Variants in CSMD1 observed in about 807,000 individuals in gnomAD.
The protein encoded by CSMD1 is CUB and Sushi multiple domains 1, also known as CUB and sushi domain-containing protein 1.
In CSMD1, 213 loss-of-function variants were observed where a neutral mutation model predicts 417.5. That is an observed-to-expected ratio of 0.51 (90% CI 0.46 to 0.57). CSMD1 has a LOEUF of 0.57. CSMD1 is among the 20% of genes least tolerant of loss of function. CSMD1 has a pLI of 0.00. For missense variants in CSMD1, 6,923 were observed against 4,529.7 expected, an observed-to-expected ratio of 1.53 and a Z score of -15.17; for synonymous variants, 2,862 against 1,736.8, an observed-to-expected ratio of 1.65 and a Z score of -16.11.
chr8:4,325,828 G>C (rs1273458434), intron 3 of CSMD1, among the ~76,000 whole-genome samples: 3 of 152,128 alleles, frequency 2.0e-5, no homozygotes, highest in Non-Finnish European at 4.4e-5. Flanking sequence ...AACGACTGTA[G>C]ATTAACAAAA....
chr8:4,803,408 T>A (rs1798416646), intron 1 of CSMD1, among the ~76,000 whole-genome samples: 1 of 152,180 alleles, frequency 6.6e-6, no homozygotes. Flanking sequence ...AGATACCCAG[T>A]CTAGATTTGT....
intron 2 of CSMD1, among the ~76,000 whole-genome samples, chr8:4,573,757 G>C (rs1257211271): frequency 6.6e-6 from 1 of 152,212 alleles, no homozygotes; most frequent in Non-Finnish European, 1.5e-5. Context: ...GTCCCAGGGA[G>C]ACAGGAATTT....
chr8:3,547,003 C>G (rs1207267855), intron 10 of CSMD1, among the ~76,000 whole-genome samples: 2 of 152,288 alleles, frequency 1.3e-5, no homozygotes, highest in South Asian at 2.1e-4. Flanking sequence ...AGCGTCTCCC[C>G]TCCTGTCCAC....
chr8:3,228,489 T>A (rs1468602156), intron 27 of CSMD1, among the ~76,000 whole-genome samples: 2 of 152,234 alleles, frequency 1.3e-5, no homozygotes, highest in African/African-American at 4.8e-5. Flanking sequence ...ATTATTCATC[T>A]GCCTGCAAGT....
At chr8:4,908,255 A>G (rs936175512) in intron 1 of CSMD1, among the ~76,000 whole-genome samples, 3 of 152,166 alleles carry the variant, frequency 2.0e-5, no homozygotes, top group Non-Finnish European at 4.4e-5. Context: ...CTGTAGGGTA[A>G]AGTATTCCTT....
intron 26 of CSMD1, among the ~76,000 whole-genome samples, chr8:3,262,184 A>AATAT (rs201972449): frequency 3.6e-4 from 23 of 63,144 alleles, no homozygotes; most frequent in South Asian, 1.3e-3. Context: ...TGCTCATATG[A>AATAT]ATATATATAT....
At position 4,116,037 on chromosome 8, in the gene CSMD1, G is replaced by C. The variant is rs150964547; in HGVS notation, c.416-83938C>G. ...ATTTATGGAGAGGGAGTCTCACTCT[G>C]TCTCCCAGGCTAGATTGTAGTGGCA... On this transcript the variant is annotated intron_variant, in intron 3 of 69. Transcript: ENST00000635120. Among the ~76,000 whole-genome samples, 921 of 151,428 alleles carry C rather than the reference G, an allele frequency of 6.1e-3. 11 individuals carry two copies. Among genetic ancestry groups the C allele is most frequent in the African/African-American group, 0.021 (874 of 41,192 alleles).
intron 7 of CSMD1, among the ~76,000 whole-genome samples, chr8:3,627,749 T>C (rs1037749318): frequency 7.9e-5 from 12 of 152,204 alleles, no homozygotes; most frequent in Non-Finnish European, 1.5e-4. Context: ...AATTATTACT[T>C]TGCTGAAGAA....
rs565858084 is a variant in CSMD1, at chr8:3,793,219, G to C, written c.819-39177C>G. Reference sequence around the variant, plus strand: ...AGCAATTTTTCTCTCAACCGCTATGGTCTAAGTCCTGTTCCAGACCTTAAT... The same window carrying C: ...AGCAATTTTTCTCTCAACCGCTATGCTCTAAGTCCTGTTCCAGACCTTAAT... On this transcript the variant is annotated intron_variant, in intron 5 of 69. Coordinates refer to ENST00000635120, the MANE Select transcript of CSMD1 (RefSeq NM_033225.6). Among the ~76,000 whole-genome samples, 19 of 152,246 alleles carry C rather than the reference G, an allele frequency of 1.2e-4. No individual in the cohort carries two copies. In the South Asian group the frequency reaches 2.7e-3, roughly 22 times the overall value.
At chr8:3,319,685 T>C (rs1806021856) in intron 23 of CSMD1, among the ~76,000 whole-genome samples, 1 of 152,164 alleles carries the variant, frequency 6.6e-6, no homozygotes, top group South Asian at 2.1e-4. Flanking sequence ...TTTGTTTTTT[T>C]TTGCCTGATT....
chr8:3,284,367 G>A (rs1228693977), intron 25 of CSMD1, 21 bp from the exon 26 acceptor site: 2 of 1,586,158 alleles, frequency 1.3e-6, no homozygotes, highest in East Asian at 2.2e-5. Context: ...GAACACAGTA[G>A]CGCTACTTGC....
intron 1 of CSMD1, among the ~76,000 whole-genome samples, chr8:4,707,748 G>T (rs1012425608): frequency 6.6e-6 from 1 of 151,844 alleles, no homozygotes; most frequent in Admixed American, 6.6e-5. Flanking sequence ...TTAGCCGGGC[G>T]TCGTGGCAGG....
At chr8:3,682,237 C>T (rs933202266) in intron 7 of CSMD1, among the ~76,000 whole-genome samples, 18 of 152,086 alleles carry the variant, frequency 1.2e-4, no homozygotes, top group African/African-American at 4.3e-4. Context: ...AAGAAACTAC[C>T]ATCAGAGTGA....
At chr8:4,572,474 G>A (rs1035260688) in intron 2 of CSMD1, among the ~76,000 whole-genome samples, 2 of 152,196 alleles carry the variant, frequency 1.3e-5, no homozygotes, top group African/African-American at 4.8e-5. Context: ...TAGGGTTTCT[G>A]CAGAGAGATC....
At chr8:3,081,482 T>A (rs11136572) in intron 49 of CSMD1, among the ~76,000 whole-genome samples, 1 of 152,084 alleles carries the variant, frequency 6.6e-6, no homozygotes, top group Admixed American at 6.5e-5. Context: ...TTTACAGTTT[T>A]CAAATAAAAA....
At chr8:4,347,990 A>G (rs1433611916) in intron 3 of CSMD1, among the ~76,000 whole-genome samples, 1 of 152,206 alleles carries the variant, frequency 6.6e-6, no homozygotes, top group Non-Finnish European at 1.5e-5. Context: ...ACACTGGCAA[A>G]CATGCGTCAC....
intron 10 of CSMD1, among the ~76,000 whole-genome samples, chr8:3,546,263 T>A (rs1228358894): frequency 8.7e-6 from 1 of 114,932 alleles, no homozygotes; most frequent in South Asian, 3.0e-4. Context: ...GAATTTTTCC[T>A]CTATTATTAA....
intron 2 of CSMD1, among the ~76,000 whole-genome samples, chr8:4,559,148 C>G (rs551159780): frequency 1.4e-4 from 21 of 152,302 alleles, no homozygotes; most frequent in Admixed American, 1.4e-3. Context: ...TGCTTGGAAT[C>G]AAGATCTGGT....
intron 1 of CSMD1, among the ~76,000 whole-genome samples, chr8:4,790,427 A>G (rs966834058): frequency 2.0e-5 from 3 of 152,190 alleles, no homozygotes; most frequent in Non-Finnish European, 4.4e-5. Flanking sequence ...ACAGATTCAA[A>G]ACTATTCCTT....
Sources: gnomAD v4.1 joint callset for allele counts (sites outside exome capture counted in the v4.1 genomes callset) on GRCh38, gnomAD v4.1.1 for gene constraint, MANE v1.5 for transcripts, NCBI Gene and HGNC (gene_info 2026-07-23, HGNC 2026-07-21) for gene names.